PAK3: variants seen among roughly 807,000 people sequenced by gnomAD.
PAK3 encodes the protein serine/threonine-protein kinase PAK 3.
Under a neutral mutation model 41.0 loss-of-function variants are expected in PAK3, and 4 were observed. The ratio of observed to expected loss-of-function variants is 0.10; its 90% CI spans 0.05 to 0.22. The LOEUF is 0.22. Among genes scored for constraint, PAK3 ranks in the 10% least tolerant of loss-of-function variants. The pLI, the probability that PAK3 is intolerant of heterozygous loss-of-function variation, is 1.00. For synonymous variants in PAK3, 146 were observed against 139.6 expected, an observed-to-expected ratio of 1.05 and a Z score of -0.32; for missense variants, 205 against 409.9, an observed-to-expected ratio of 0.50 and a Z score of 4.32.
rs1259026064 is a variant in PAK3, at chrX:111,224,059, G to A, written c.*3612G>A. On this transcript the variant is annotated 3_prime_UTR_variant, in exon 18 of 18. Transcript: ENST00000372007. ...CAGAAGCAGATGCCTTCTGGCCAGAGCGCAGAGCATGCAGGGCAGAGATAT... is the reference window on the plus strand; with the variant it reads ...CAGAAGCAGATGCCTTCTGGCCAGAACGCAGAGCATGCAGGGCAGAGATAT... 2 of 112,142 alleles carry A rather than the reference G, an allele frequency of 1.8e-5. No homozygotes were observed. Among genetic ancestry groups the A allele is most frequent in the Non-Finnish European group, 3.8e-5 (2 of 53,234 alleles). The allele number at this position is 112,142 out of a possible 1,213,427, so 9.2% of individuals were successfully genotyped here. A position where few individuals can be genotyped will look rare whatever the true frequency, so the allele number is the denominator to read the frequency against.
At chrX:111,200,706 G>A (rs992185907) in intron 16 of PAK3, among the ~76,000 whole-genome samples, 2 of 111,901 alleles carry the variant, frequency 1.8e-5, no homozygotes, top group Non-Finnish European at 3.8e-5. Flanking sequence ...CCTCCCCTAA[G>A]TCTTTGGAGT....
At chrX:111,012,152 G>A (rs941696691) in intron 1 of PAK3, among the ~76,000 whole-genome samples, 1 of 111,466 alleles carries the variant, frequency 9.0e-6, no homozygotes, top group Non-Finnish European at 1.9e-5. Flanking sequence ...TAAATATGGT[G>A]GGAAAGATTG....
At chrX:111,153,841 C>T (rs781436370) in intron 8 of PAK3, among the ~76,000 whole-genome samples, 3 of 111,980 alleles carry the variant, frequency 2.7e-5, no homozygotes, top group South Asian at 3.8e-4. Flanking sequence ...GATATTTATA[C>T]ACCCACGTTC....
intron 11 of PAK3, among the ~76,000 whole-genome samples, chrX:111,176,268 G>A (rs773664171): frequency 9.1e-6 from 1 of 110,087 alleles, no homozygotes; most frequent in East Asian, 2.9e-4. Flanking sequence ...CTTCTCACTC[G>A]TAAGTGGGAG....
chrX:111,083,641 G>C (rs1024268840), intron 1 of PAK3, among the ~76,000 whole-genome samples: 1 of 112,029 alleles, frequency 8.9e-6, no homozygotes, highest in African/African-American at 3.2e-5. Flanking sequence ...TTATATTCTT[G>C]TTTGTGTCCT....
At chrX:110,995,983 T>A (rs2091732805) in intron 1 of PAK3, among the ~76,000 whole-genome samples, 1 of 112,122 alleles carries the variant, frequency 8.9e-6, no homozygotes, top group African/African-American at 3.2e-5. Flanking sequence ...CTGTGCACCC[T>A]GTCTCAAGTA....
In PAK3 at chrX:111,196,579, G is replaced by C; in HGVS notation, c.1346G>C (p.Gly449Ala). 8.3e-7 allele frequency: 1 copy of C among 1,206,670 alleles called. No homozygotes were observed. The highest frequency in any genetic ancestry group is 1.1e-6 in the Non-Finnish European group (1 of 891,290). The change falls in exon 16 of 18, where the codon GGA becomes GCA. Residue 449 changes from glycine to alanine, a missense_variant. This residue lies in a region of PAK3 where 42 missense variants were observed against 152.7 expected (regional missense o/e 0.28). Coordinates refer to ENST00000372007, the MANE Select transcript of PAK3 (RefSeq NM_002578.5). The stretch of plus-strand genomic sequence containing the variant: ...CCGAAAGTTGATATCTGGTCTCTTG[G>C]AATTATGGCAATTGAAATGGTGGAA... Reference protein sequence around the residue: ...YGPKVDIWSLGIMAIEMVEGE... With the variant: ...YGPKVDIWSLAIMAIEMVEGE...
chrX:111,060,679 TG>T, intron 1 of PAK3, among the ~76,000 whole-genome samples: 1 of 111,700 alleles, frequency 9.0e-6, no homozygotes, highest in East Asian at 2.8e-4. Flanking sequence ...TAGAATCTTA[TG>T]CCACAACAAT....
chrX:111,173,128 T>C (rs776358368), intron 11 of PAK3, 47 bp downstream of exon 11: 23 of 618,916 alleles, frequency 3.7e-5, no homozygotes, highest in Non-Finnish European at 6.3e-5. Flanking sequence ...ACAAGCAACA[T>C]ACATTAAAAT....
At chrX:111,020,727 A>G (rs909769802) in intron 1 of PAK3, among the ~76,000 whole-genome samples, 10 of 111,855 alleles carry the variant, frequency 8.9e-5, no homozygotes, top group African/African-American at 3.3e-4. Context: ...TTGCTTTCTC[A>G]GCCAGTGGGG....
chrX:111,094,442 G>A (rs752040810), upstream of PAK3, among the ~76,000 whole-genome samples: 12 of 110,827 alleles, frequency 1.1e-4, no homozygotes, highest in African/African-American at 3.3e-4. Flanking sequence ...ACTCATATAT[G>A]CATTAATATA....
At chrX:111,219,717 G>A (rs759705221) in intron 17 of PAK3, among the ~76,000 whole-genome samples, 1 of 110,625 alleles carries the variant, frequency 9.0e-6, no homozygotes, top group Non-Finnish European at 1.9e-5. Flanking sequence ...AATGACATCT[G>A]TAAGAAATTA....
chrX:111,060,609 A>G (rs940574668), intron 1 of PAK3, among the ~76,000 whole-genome samples: 3 of 111,442 alleles, frequency 2.7e-5, no homozygotes, highest in African/African-American at 9.8e-5. Context: ...TCAGATTTAT[A>G]ATTTCTTCTT....
intron 10 of PAK3, chrX:111,169,183 G>T: frequency 5.9e-6 from 1 of 170,350 alleles, no homozygotes; most frequent in Non-Finnish European, 1.1e-5. Context: ...AATAAGACAT[G>T]GCTCCTGTAC....
chrX:111,111,624 T>C (rs1453564097), intron 4 of PAK3, among the ~76,000 whole-genome samples: 3 of 112,279 alleles, frequency 2.7e-5, no homozygotes, highest in East Asian at 5.6e-4. Flanking sequence ...AACACATTCA[T>C]ATTTGTTATC....
At position 111,220,338 on chromosome X, in the gene PAK3, C is replaced by CT; in HGVS notation, c.1546-15dup. On this transcript the variant is annotated intron_variant, in intron 17 of 17. Coordinates refer to ENST00000372007, the MANE Select transcript of PAK3 (RefSeq NM_002578.5). ...GGAGGAAAGAATTCCAATAATTCCTCTTTTTCCTTCCTTTTGCAGCATCCA... is the reference window on the plus strand; with the variant it reads ...GGAGGAAAGAATTCCAATAATTCCTCTTTTTTCCTTCCTTTTGCAGCATCCA... 1 of 1,061,313 alleles carries CT rather than the reference C, an allele frequency of 9.4e-7. No homozygotes were observed. Among genetic ancestry groups the CT allele is most frequent in the Non-Finnish European group, 1.3e-6 (1 of 760,118 alleles). The allele number at this position is 1,061,313 out of a possible 1,213,427, so 87.5% of individuals were successfully genotyped here.
chrX:111,215,083 G>A (rs2094862882), intron 16 of PAK3, among the ~76,000 whole-genome samples: 1 of 111,621 alleles, frequency 9.0e-6, no homozygotes, highest in Non-Finnish European at 1.9e-5. Context: ...TTAGCTCTTG[G>A]CCCACTGTAC....
At position 111,224,287 on chromosome X, in the gene PAK3, G is replaced by C. The variant is rs1427478492; in HGVS notation, c.*3840G>C. On this transcript the variant is annotated 3_prime_UTR_variant, in exon 18 of 18. Coordinates refer to ENST00000372007, the MANE Select transcript of PAK3 (RefSeq NM_002578.5). Reference sequence around the variant, plus strand: ...GCTTTGGTATGGCATTCGGGTGTCTGTTTTGTGGTTGCTTTAGATTGGAGG... The same window carrying C: ...GCTTTGGTATGGCATTCGGGTGTCTCTTTTGTGGTTGCTTTAGATTGGAGG... The C allele has an allele frequency of 9.0e-6, 1 of 111,643 alleles. No homozygotes were observed. Among genetic ancestry groups the C allele is most frequent in the Non-Finnish European group, 1.9e-5 (1 of 53,160 alleles). The allele number at this position is 111,643 out of a possible 1,213,427, so 9.2% of individuals were successfully genotyped here. A position where few individuals can be genotyped will look rare whatever the true frequency, so the allele number is the denominator to read the frequency against.
At chrX:111,070,244 TTA>T (rs1293907148) in intron 1 of PAK3, among the ~76,000 whole-genome samples, 273 of 5,353 alleles carry the variant, frequency 0.051, no homozygotes, top group South Asian at 0.077. Context: ...ATTTGATCAT[TTA>T]TATGGACAAC....
Sources: allele counts gnomAD v4.1 joint callset (sites outside exome capture counted in the v4.1 genomes callset), GRCh38; gene constraint gnomAD v4.1.1; regional missense constraint gnomAD v4.1.1; transcripts MANE v1.5; gene names NCBI Gene and HGNC (gene_info 2026-07-23, HGNC 2026-07-21).